The following GCH1 variants were observed in gnomAD, a reference collection of about 807,000 sequenced individuals.
GCH1 encodes GTP cyclohydrolase I.
In GCH1, 5 loss-of-function variants were observed where a neutral mutation model predicts 25.9. The ratio of observed to expected loss-of-function variants is 0.19; its 90% CI spans 0.10 to 0.41. The LOEUF (loss-of-function observed/expected upper bound fraction) is 0.41. GCH1 is among the 10% of genes least tolerant of loss of function. The pLI is 1.00. For missense variants in GCH1, 261 were observed against 336.5 expected (o/e 0.78, Z 1.75); for synonymous variants, 159 against 129.6 (o/e 1.23, Z -1.54).
chr14:54,896,465 AT>A (rs2040484121), intron 1 of GCH1, among the ~76,000 whole-genome samples: 1 of 144,384 alleles, frequency 6.9e-6, no homozygotes, highest in Non-Finnish European at 1.5e-5. Flanking sequence ...CTCTTTAATT[AT>A]ATATCTCTTT....
intron 1 of GCH1, among the ~76,000 whole-genome samples, chr14:54,871,932 C>T (rs61039049): frequency 0.21 from 32,471 of 151,604 alleles, 4,830 homozygotes; most frequent in East Asian, 0.41. Context: ...TGCAGGATAT[C>T]ATCCAGGAGA....
intron 1 of GCH1, among the ~76,000 whole-genome samples, chr14:54,882,093 G>A (rs2040280774): frequency 6.6e-6 from 1 of 152,242 alleles, no homozygotes. Flanking sequence ...GAAAGTGAAA[G>A]CACATAAAAT....
Position 54,844,160 on chromosome 14 carries a change from C to A in GCH1, c.627-17G>T. On this transcript the variant is annotated splice_polypyrimidine_tract_variant and intron_variant, in intron 5 of 5. Coordinates refer to ENST00000491895, the MANE Select transcript of GCH1 (RefSeq NM_000161.3). ...CACATGTGTCTACAAAATAAGGCAA[C>A]ACAGGTTGTTTAAAGGAGTAGACAG... 2 of 1,586,436 alleles carry A rather than the reference C, an allele frequency of 1.3e-6. No homozygotes were observed. Among genetic ancestry groups the A allele is most frequent in the South Asian group, 2.2e-5 (2 of 90,490 alleles).
At chr14:54,886,480 T>C (rs572941097) in intron 1 of GCH1, among the ~76,000 whole-genome samples, 5 of 152,034 alleles carry the variant, frequency 3.3e-5, no homozygotes, top group African/African-American at 4.8e-5. Context: ...GGCGCGGTGG[T>C]GGGTGCCTGT....
At chr14:54,847,664 C>CTT (rs2039663320) in intron 3 of GCH1, among the ~76,000 whole-genome samples, 1 of 131,030 alleles carries the variant, frequency 7.6e-6, no homozygotes, top group African/African-American at 2.8e-5. Flanking sequence ...ATAAACTCCC[C>CTT]TTTATATATA....
chr14:54,863,848 G>GTTGT (rs111635456), intron 2 of GCH1, among the ~76,000 whole-genome samples: 7,566 of 151,490 alleles, frequency 0.05, 220 homozygotes, highest in Middle Eastern at 0.092. Context: ...GGGTTTCGTT[G>GTTGT]TTGTTTGTTT....
intron 1 of GCH1, among the ~76,000 whole-genome samples, chr14:54,880,858 T>TATATATAC (rs1566677402): frequency 1.1e-5 from 1 of 91,984 alleles, no homozygotes; most frequent in African/African-American, 6.9e-5. Flanking sequence ...CATATATATA[T>TATATATAC]ACTCCATAAT....
At chr14:54,885,063 A>T in intron 1 of GCH1, 1 of 309,764 alleles carries the variant, frequency 3.2e-6, no homozygotes, top group South Asian at 3.7e-5. Flanking sequence ...CAGACACTGA[A>T]CCACCAGTCA....
chr14:54,900,712 C>G (rs2040552441), intron 1 of GCH1, among the ~76,000 whole-genome samples: 1 of 152,128 alleles, frequency 6.6e-6, no homozygotes, highest in Non-Finnish European at 1.5e-5. Flanking sequence ...TTACAGAACA[C>G]TGTCCTATGA....
intron 1 of GCH1, among the ~76,000 whole-genome samples, chr14:54,894,815 A>G (rs766568861): frequency 3.3e-5 from 5 of 152,196 alleles, no homozygotes; most frequent in Non-Finnish European, 5.9e-5. Context: ...TAAGTCCTAT[A>G]TAAGTGTTCA....
At chr14:54,848,619 C>CA (rs910629840) in intron 3 of GCH1, among the ~76,000 whole-genome samples, 3 of 152,092 alleles carry the variant, frequency 2.0e-5, no homozygotes, top group African/African-American at 7.2e-5. Flanking sequence ...GCTCTTCCCC[C>CA]AACTACACGT....
chr14:54,877,188 T>C (rs1380321027), intron 1 of GCH1, among the ~76,000 whole-genome samples: 1 of 152,184 alleles, frequency 6.6e-6, no homozygotes, highest in South Asian at 2.1e-4. Context: ...CAGAACACTA[T>C]CACATATTGT....
At chr14:54,862,723 G>C (rs976307448) in intron 2 of GCH1, among the ~76,000 whole-genome samples, 5 of 147,910 alleles carry the variant, frequency 3.4e-5, no homozygotes, top group African/African-American at 1.2e-4. Flanking sequence ...CCAAAGTGTT[G>C]AGATTACTGA....
intron 3 of GCH1, 49 bp downstream of exon 3, chr14:54,859,632 G>C: frequency 1.0e-6 from 1 of 985,994 alleles, no homozygotes; most frequent in Non-Finnish European, 1.7e-6. Flanking sequence ...AGCAGATGAG[G>C]GCAGGTCCTA....
chr14:54,844,113 C>T lies in GCH1; in HGVS notation c.657G>A (p.Gln219=). The part of the protein sequence containing the change: ...THMCMVMRGV[Q]KMNSKTVTST... ...TGGTCACAGTTTTGCTGTTCATTTT[C>T]TGTACACCTCGCATTACCATACACA... The change falls in exon 6 of 6, where the codon CAG becomes CAA. Residue 219 remains glutamine, a synonymous_variant. Transcript: ENST00000491895. 6.2e-7 allele frequency: 1 copy of T among 1,613,788 alleles called. No homozygotes were observed. Among genetic ancestry groups the T allele is most frequent in the Non-Finnish European group, 8.5e-7 (1 of 1,179,628 alleles).
chr14:54,854,332 A>G (rs1250430369), intron 3 of GCH1, among the ~76,000 whole-genome samples: 1 of 152,166 alleles, frequency 6.6e-6, no homozygotes, highest in African/African-American at 2.4e-5. Context: ...CATTCCCTCC[A>G]GGAGGAAGAT....
chr14:54,900,586 T>C (rs2040551184), intron 1 of GCH1, among the ~76,000 whole-genome samples: 1 of 152,186 alleles, frequency 6.6e-6, no homozygotes, highest in Admixed American at 6.5e-5. Flanking sequence ...TCTTCGCTCA[T>C]GAGATATTTC....
intron 1 of GCH1, among the ~76,000 whole-genome samples, chr14:54,880,501 C>CATATATATATATACTCCAT (rs1566676821): frequency 1.1e-5 from 1 of 90,152 alleles, no homozygotes; most frequent in South Asian, 3.7e-4. Context: ...ATATATACTC[C>CATATATATATATACTCCAT]ATATATATAT....
intron 1 of GCH1, among the ~76,000 whole-genome samples, chr14:54,896,554 G>A (rs1255695184): frequency 6.6e-6 from 1 of 151,856 alleles, no homozygotes; most frequent in East Asian, 1.9e-4. Flanking sequence ...ACAACCTACA[G>A]TAAGAAATGC....
Sources: gnomAD v4.1 joint callset for allele counts (sites outside exome capture counted in the v4.1 genomes callset) on GRCh38, gnomAD v4.1.1 for gene constraint, MANE v1.5 for transcripts, NCBI Gene and HGNC (gene_info 2026-07-23, HGNC 2026-07-21) for gene names.